The following SCAF4 variants were observed in gnomAD, a reference collection of about 807,000 sequenced individuals.
SCAF4 encodes the protein SR-related CTD associated factor 4.
A neutral mutation model predicts 129.8 loss-of-function variants in SCAF4; 25 were observed. That is an observed-to-expected ratio of 0.19 (90% CI 0.14 to 0.27). The LOEUF (loss-of-function observed/expected upper bound fraction) is 0.27. Ranked by LOEUF, SCAF4 falls within the 10% of genes least tolerant of loss-of-function variation. The pLI, the probability that SCAF4 is intolerant of heterozygous loss-of-function variation, is 1.00. For missense variants in SCAF4, 1,246 were observed against 1,457.1 expected (o/e 0.86, Z 2.36); for synonymous variants, 551 against 497.7 (o/e 1.11, Z -1.43).
At chr21:31,702,401 A>G in intron 4 of SCAF4, 22 bp from the exon 5 acceptor site, 1 of 1,604,938 alleles carries the variant, frequency 6.2e-7, no homozygotes, top group Non-Finnish European at 8.5e-7. Flanking sequence ...GAGAAACACA[A>G]ATATACAATA....
At chr21:31,731,336 G>A (rs113156037) in intron 1 of SCAF4, among the ~76,000 whole-genome samples, 5,150 of 152,356 alleles carry the variant, frequency 0.034, 133 homozygotes, top group Non-Finnish European at 0.048. Context: ...TCGCGGAGCA[G>A]AGAGCGAGGG....
chr21:31,680,948 A>G (rs2049981507), intron 19 of SCAF4, among the ~76,000 whole-genome samples: 1 of 152,368 alleles, frequency 6.6e-6, no homozygotes, highest in Admixed American at 6.5e-5. Context: ...TTGTTTAAAT[A>G]TAATTCACAA....
intron 19 of SCAF4, among the ~76,000 whole-genome samples, chr21:31,682,233 G>C (rs964827469): frequency 6.6e-6 from 1 of 152,062 alleles, no homozygotes; most frequent in Non-Finnish European, 1.5e-5. Context: ...AGAAAAATCA[G>C]CTGGGCGTGG....
At chr21:31,690,592 A>C (rs990636315) in intron 15 of SCAF4, among the ~76,000 whole-genome samples, 2 of 152,230 alleles carry the variant, frequency 1.3e-5, no homozygotes, top group African/African-American at 4.8e-5. Flanking sequence ...TAGATCCCAT[A>C]ATCAGTTAAG....
chr21:31,722,767 A>G (rs2051100912), intron 1 of SCAF4, among the ~76,000 whole-genome samples: 1 of 152,118 alleles, frequency 6.6e-6, no homozygotes, highest in South Asian at 2.1e-4. Flanking sequence ...AGCCTGGCCA[A>G]CATTGAGAAA....
chr21:31,706,159 A>G (rs1197156373), intron 2 of SCAF4, 115 bp downstream of exon 2: 3 of 702,412 alleles, frequency 4.3e-6, no homozygotes, highest in African/African-American at 1.8e-5. Flanking sequence ...AAGGCTGGTT[A>G]GGGCTCTTTG....
At chr21:31,703,247 A>G (rs1447725090) in intron 4 of SCAF4, among the ~76,000 whole-genome samples, 1 of 152,134 alleles carries the variant, frequency 6.6e-6, no homozygotes, top group South Asian at 2.1e-4. Flanking sequence ...TTACTCAACT[A>G]CACAAGCACA....
intron 19 of SCAF4, among the ~76,000 whole-genome samples, chr21:31,680,630 A>T (rs963906683): frequency 2.0e-5 from 3 of 152,192 alleles, no homozygotes; most frequent in Non-Finnish European, 2.9e-5. Flanking sequence ...AAACACAAAA[A>T]TTGTTTTTTA....
At chr21:31,676,908 G>A (rs1402709906) in intron 19 of SCAF4, among the ~76,000 whole-genome samples, 1 of 152,050 alleles carries the variant, frequency 6.6e-6, no homozygotes, top group Non-Finnish European at 1.5e-5. Flanking sequence ...TTCTGTCTCT[G>A]TGGGTTTACC....
At position 31,701,824 on chromosome 21, in the gene SCAF4, A is replaced by G. The variant is rs753297040; in HGVS notation, c.552T>C (p.Asp184=). The G allele has an allele frequency of 9.9e-6, 16 of 1,613,990 alleles. No homozygotes were observed. Among genetic ancestry groups the G allele is most frequent in the Non-Finnish European group, 1.4e-5 (16 of 1,179,988 alleles). ...ACAGCTGAGCCACAGCAGCAAAAGC[A>G]TCAGAGCTGGGCAACTGTGGTACAG... ...VPAVPQLPSS[D]AFAAVAQLFQ... The change falls in exon 6 of 20, where the codon GAT becomes GAC. Residue 184 remains aspartate, a synonymous_variant. Transcript: ENST00000286835.
intron 14 of SCAF4, 45 bp downstream of exon 14, chr21:31,691,772 C>T: frequency 1.0e-6 from 1 of 982,952 alleles, no homozygotes; most frequent in Non-Finnish European, 1.5e-6. Flanking sequence ...TTTTCCCCTT[C>T]TGCCTATTTA....
chr21:31,685,105 G>A lies in SCAF4; in HGVS notation c.2432C>T (p.Pro811Leu), dbSNP rs766691111. The stretch of plus-strand genomic sequence containing the variant: ...GGTGGGCAGATTCGTGGGTGCAGCA[G>A]GTGGCACGGCAGAGCCATACATTTT... ...SVKMYGSAVPPAAPTNLPTPP... is the reference protein window; with the variant it reads ...SVKMYGSAVPLAAPTNLPTPP... The change falls in exon 19 of 20, where the codon CCT (proline) becomes CTT (leucine). Residue 811 changes from proline (P) to leucine (L), a missense_variant. Transcript: ENST00000286835. 9.3e-6 allele frequency: 15 copies of A among 1,613,286 alleles called. No homozygotes were observed. The highest frequency in any genetic ancestry group is 3.3e-5 in the Admixed American group (2 of 60,022).
In SCAF4 at chr21:31,728,665, T is replaced by C. The variant is rs1335194965; in HGVS notation, c.30+2998A>G. The stretch of plus-strand genomic sequence containing the variant: ...AAATTAGATATGTGTACATATCTAA[T>C]GCCTGACATGCCATTGGTCTTATAT... On this transcript the variant is annotated intron_variant, in intron 1 of 19. Transcript: ENST00000286835. Among the ~76,000 whole-genome samples the C allele has an allele frequency of 2.0e-5, 3 of 152,180 alleles. No individual in the cohort carries two copies. In the East Asian group the frequency reaches 5.8e-4, roughly 29 times the overall value.
At position 31,685,646 on chromosome 21, in the gene SCAF4, A is replaced by G; in HGVS notation, c.2131T>C (p.Phe711Leu). 1 of 1,614,054 alleles carries G rather than the reference A, an allele frequency of 6.2e-7. No individual in the cohort carries two copies. The highest frequency in any genetic ancestry group is 8.5e-7 in the Non-Finnish European group (1 of 1,180,004). ...GGGGGAGGAGGAACACCAGGACCAA[A>G]GCCTGGAGGCGGTATTCCCAGAGGA... Reference protein sequence around the residue: ...TPPLGIPPPGFGPGVPPPPPP... With the variant: ...TPPLGIPPPGLGPGVPPPPPP... Residue 711 changes from phenylalanine (F) to leucine (L), a missense_variant, in exon 17 of 20, where the codon TTT (phenylalanine) becomes CTT (leucine). Phe to Leu is a conservative substitution (Grantham distance 22). Coordinates refer to ENST00000286835, the MANE Select transcript of SCAF4 (RefSeq NM_020706.2).
At chr21:31,715,927 G>T (rs1316381753) in intron 1 of SCAF4, among the ~76,000 whole-genome samples, 1 of 152,122 alleles carries the variant, frequency 6.6e-6, no homozygotes, top group Non-Finnish European at 1.5e-5. Flanking sequence ...CTTTACAAAT[G>T]GTAGTCTGTT....
chr21:31,680,133 G>A (rs1394609846), intron 19 of SCAF4, among the ~76,000 whole-genome samples: 1 of 152,168 alleles, frequency 6.6e-6, no homozygotes, highest in Non-Finnish European at 1.5e-5. Flanking sequence ...GTCCCTCAGA[G>A]AGATTTACAT....
At position 31,672,229 on chromosome 21, in the gene SCAF4, G is replaced by T. The variant is rs2049726464; in HGVS notation, c.2614C>A (p.Arg872=). The change falls in exon 20 of 20, where the codon CGG becomes AGG. Residue 872 remains arginine, a synonymous_variant. Transcript: ENST00000286835. ...PPGMPPPHLQ[R]FPLMPPRPMP... ...GGACGGGGCGGCATCAAAGGGAACC[G>T]CTGTAAGTGAGGTGGGGGCATTCCT... 6.2e-7 allele frequency: 1 copy of T among 1,611,578 alleles called. No individual in the cohort carries two copies. The highest frequency in any genetic ancestry group is 8.5e-7 in the Non-Finnish European group (1 of 1,178,824).
At chr21:31,730,218 C>T (rs1014665599) in intron 1 of SCAF4, among the ~76,000 whole-genome samples, 2 of 152,204 alleles carry the variant, frequency 1.3e-5, no homozygotes, top group African/African-American at 4.8e-5. Context: ...GTGAATTCTA[C>T]CTTCAGAAAA....
At chr21:31,681,242 C>CTT (rs1459376583) in intron 19 of SCAF4, among the ~76,000 whole-genome samples, 2 of 152,160 alleles carry the variant, frequency 1.3e-5, no homozygotes, top group East Asian at 3.8e-4. Context: ...AATGAATAAA[C>CTT]ATACTTGTCA....
Sources: allele counts gnomAD v4.1 joint callset (sites outside exome capture counted in the v4.1 genomes callset), GRCh38; gene constraint gnomAD v4.1.1; transcripts MANE v1.5; gene names NCBI Gene and HGNC (gene_info 2026-07-23, HGNC 2026-07-21).